The following RALB variants were observed in gnomAD, a reference collection of about 807,000 sequenced individuals.
RALB encodes the protein ras-related protein Ral-B.
In RALB, 16 loss-of-function variants were observed where a neutral mutation model predicts 21.3. The observed-to-expected ratio is 0.75, with a 90% CI of 0.51 to 1.14. The LOEUF (loss-of-function observed/expected upper bound fraction) is 1.14. Ranked by LOEUF, RALB falls within the 50% of genes most tolerant of loss-of-function variation. The probability of loss-of-function intolerance (pLI) is 0.00; values close to 1 mark genes in which losing one functional copy is unlikely to be tolerated. For synonymous variants in RALB, 93 were observed against 96.1 expected (o/e 0.97, Z 0.19); for missense variants, 161 against 256.2 (o/e 0.63, Z 2.54).
At chr2:120,284,886 G>T (rs1399358282) in intron 2 of RALB, among the ~76,000 whole-genome samples, 1 of 152,114 alleles carries the variant, frequency 6.6e-6, no homozygotes, top group Non-Finnish European at 1.5e-5. Flanking sequence ...TACAATATGT[G>T]GCCTTTATGT....
In RALB at chr2:120,273,531, T is replaced by C. The variant is rs532327003; in HGVS notation, c.-47-5087T>C. The stretch of plus-strand genomic sequence containing the variant: ...GCAGAACTCAGGCCCCTCCCATAAT[T>C]CTAATCTCCTGGCCTTTTACTAGTT... On this transcript the variant is annotated intron_variant, in intron 1 of 4. Coordinates refer to ENST00000272519, the MANE Select transcript of RALB (RefSeq NM_002881.3). Among the ~76,000 whole-genome samples the C allele has an allele frequency of 1.2e-4, 19 of 152,300 alleles. 1 individual carries two copies. Among genetic ancestry groups the C allele is most frequent in the African/African-American group, 4.3e-4 (18 of 41,580 alleles).
At chr2:120,241,817 G>A (rs1688900374) in intron 1 of RALB, among the ~76,000 whole-genome samples, 1 of 152,234 alleles carries the variant, frequency 6.6e-6, no homozygotes, top group African/African-American at 2.4e-5. Context: ...TGCACTGCGG[G>A]TGGGAATGCG....
chr2:120,292,507 G>A (rs556847862), intron 4 of RALB, among the ~76,000 whole-genome samples: 18 of 152,290 alleles, frequency 1.2e-4, no homozygotes, highest in African/African-American at 4.3e-4. Context: ...ACTCATTATG[G>A]CATTCTTCCC....
intron 1 of RALB, among the ~76,000 whole-genome samples, chr2:120,267,203 C>T (rs1171412380): frequency 6.6e-6 from 1 of 151,984 alleles, no homozygotes; most frequent in Non-Finnish European, 1.5e-5. Context: ...TTTAGTTTTT[C>T]TTTTTTTGGA....
chr2:120,247,580 C>T (rs188267539), intron 1 of RALB, among the ~76,000 whole-genome samples: 2 of 152,288 alleles, frequency 1.3e-5, no homozygotes, highest in Non-Finnish European at 2.9e-5. Context: ...TCCTGACTTA[C>T]CACAGTTTAG....
chr2:120,293,942 A>G lies in RALB; in HGVS notation c.*682A>G, dbSNP rs915776151. ...CTGTGTTGGTTATTTTTCTCCTGTA[A>G]GCATCCTGATTTTTCTGTAGGAACT... On this transcript the variant is annotated 3_prime_UTR_variant, in exon 5 of 5. Transcript: ENST00000272519. 7.6e-6 allele frequency: 3 copies of G among 393,422 alleles called. No homozygotes were observed. Among genetic ancestry groups the G allele is most frequent in the Non-Finnish European group, 1.3e-5 (3 of 223,492 alleles). The allele number at this position is 393,422 out of a possible 1,614,324, so 24.4% of individuals were successfully genotyped here.
chr2:120,291,790 G>A (rs554625925), intron 4 of RALB, among the ~76,000 whole-genome samples: 11 of 152,166 alleles, frequency 7.2e-5, no homozygotes, highest in Non-Finnish European at 1.2e-4. Context: ...GGCAAGAAGG[G>A]ATGTTTGGGT....
chr2:120,252,778 A>C (rs1689084564), upstream of RALB: 3 of 985,270 alleles, frequency 3.0e-6, no homozygotes, highest in African/African-American at 5.2e-5. Flanking sequence ...AGGAGAGGGC[A>C]AGAACGGAAG....
chr2:120,284,403 A>AT (rs35585397), intron 2 of RALB, among the ~76,000 whole-genome samples: 18 of 149,910 alleles, frequency 1.2e-4, no homozygotes, highest in East Asian at 5.9e-4. Flanking sequence ...AAAGTGTACA[A>AT]TTTTTTTTTT....
At chr2:120,253,432 G>A in intron 1 of RALB, 1 of 985,666 alleles carries the variant, frequency 1.0e-6, no homozygotes, top group Non-Finnish European at 1.2e-6. Flanking sequence ...TTCCTAAAGG[G>A]CTTCGGTTTG....
chr2:120,259,977 C>T lies in RALB; in HGVS notation c.-48+6997C>T, dbSNP rs534689017. The stretch of plus-strand genomic sequence containing the variant: ...CTGCTGGGGGACTCAGTACACCCTC[C>T]GCAGCCACTGGCCTGGCTGCTAAGT... On this transcript the variant is annotated intron_variant, in intron 1 of 4. Transcript: ENST00000272519. Among the ~76,000 whole-genome samples, 16 of 152,366 alleles carry T rather than the reference C, an allele frequency of 1.1e-4. No homozygotes were observed. In the South Asian group the frequency reaches 2.3e-3, roughly 22 times the overall value.
chr2:120,257,784 G>A (rs1186656015), intron 1 of RALB, among the ~76,000 whole-genome samples: 1 of 152,048 alleles, frequency 6.6e-6, no homozygotes, highest in Non-Finnish European at 1.5e-5. Context: ...TACTTTCCTT[G>A]TAATCCCCCT....
chr2:120,290,288 G>A (rs549845862), intron 4 of RALB, among the ~76,000 whole-genome samples: 7 of 152,226 alleles, frequency 4.6e-5, no homozygotes, highest in Admixed American at 1.3e-4. Flanking sequence ...CACACCCGGC[G>A]GACTATGCTT....
At chr2:120,242,799 G>C (rs1032871411) in intron 1 of RALB, among the ~76,000 whole-genome samples, 14 of 152,158 alleles carry the variant, frequency 9.2e-5, no homozygotes, top group African/African-American at 2.9e-4. Context: ...AAAGTGGCCT[G>C]GTGTAGTAGC....
At chr2:120,251,495 G>A (rs1044950480), upstream of RALB, among the ~76,000 whole-genome samples, 1 of 152,212 alleles carries the variant, frequency 6.6e-6, no homozygotes, top group Non-Finnish European at 1.5e-5. Flanking sequence ...TGAAACTAAA[G>A]CCCACAGAAG....
chr2:120,284,645 C>T (rs773654751), intron 2 of RALB, among the ~76,000 whole-genome samples: 6 of 152,142 alleles, frequency 3.9e-5, no homozygotes, highest in Non-Finnish European at 7.3e-5. Flanking sequence ...GGTGATCTGC[C>T]TGCCCCGGCC....
chr2:120,258,085 TCTA>T (rs1436905388), intron 1 of RALB, among the ~76,000 whole-genome samples: 5 of 152,222 alleles, frequency 3.3e-5, no homozygotes, highest in Non-Finnish European at 7.3e-5. Flanking sequence ...CCTCTGTTTT[TCTA>T]CTCTGTAGCC....
chr2:120,258,574 G>A (rs1376299719), intron 1 of RALB, among the ~76,000 whole-genome samples: 1 of 152,226 alleles, frequency 6.6e-6, no homozygotes, highest in East Asian at 1.9e-4. Context: ...AAGCCCCATT[G>A]GAAGGGCTGT....
chr2:120,241,071 G>C, intron 1 of RALB, among the ~76,000 whole-genome samples: 1 of 152,186 alleles, frequency 6.6e-6, no homozygotes, highest in East Asian at 1.9e-4. Flanking sequence ...GCTGACGGAC[G>C]GGTTAACTTG....
Sources: allele counts gnomAD v4.1 joint callset (sites outside exome capture counted in the v4.1 genomes callset), GRCh38; gene constraint gnomAD v4.1.1; transcripts MANE v1.5; gene names NCBI Gene and HGNC (gene_info 2026-07-23, HGNC 2026-07-21).